Variants in CTNNA2 observed in about 807,000 individuals in gnomAD.
CTNNA2 encodes catenin alpha-2.
A neutral mutation model predicts 101.0 loss-of-function variants in CTNNA2; 42 were observed. The observed-to-expected ratio is 0.42, with a 90% CI of 0.32 to 0.54. The LOEUF is 0.54. Ranked by LOEUF, CTNNA2 falls within the 20% of genes least tolerant of loss-of-function variation. The pLI, the probability that CTNNA2 is intolerant of heterozygous loss-of-function variation, is 0.14. For synonymous variants in CTNNA2, 450 were observed against 456.4 expected, an observed-to-expected ratio of 0.99 and a Z score of 0.18; for missense variants, 871 against 1,223.1, an observed-to-expected ratio of 0.71 and a Z score of 4.29.
chr2:79,520,690 T>A (rs1020257936), intron 1 of CTNNA2, among the ~76,000 whole-genome samples: 4 of 152,118 alleles, frequency 2.6e-5, no homozygotes, highest in Non-Finnish European at 5.9e-5. Flanking sequence ...GCTGAGATAT[T>A]TCACACAAGA....
At chr2:79,598,415 C>T (rs367701507) in intron 1 of CTNNA2, among the ~76,000 whole-genome samples, 2 of 152,208 alleles carry the variant, frequency 1.3e-5, no homozygotes, top group Non-Finnish European at 2.9e-5. Flanking sequence ...TGTATGATTT[C>T]GCATTTCCAC....
At chr2:80,331,444 T>C (rs1249588954) in intron 7 of CTNNA2, among the ~76,000 whole-genome samples, 1 of 152,104 alleles carries the variant, frequency 6.6e-6, no homozygotes, top group Non-Finnish European at 1.5e-5. Context: ...GATTGGGAAA[T>C]AGGGTTGCAC....
chr2:79,986,197 A>G (rs1441145650), intron 7 of CTNNA2, among the ~76,000 whole-genome samples: 4 of 152,316 alleles, frequency 2.6e-5, no homozygotes, highest in African/African-American at 7.2e-5. Flanking sequence ...CAGCTTGGAC[A>G]TGATTGCTGC....
chr2:79,985,591 G>A (rs1233773838), intron 7 of CTNNA2, among the ~76,000 whole-genome samples: 1 of 152,168 alleles, frequency 6.6e-6, no homozygotes, highest in African/African-American at 2.4e-5. Flanking sequence ...AGGACATGAT[G>A]GGGTAAAGCA....
intron 6 of CTNNA2, among the ~76,000 whole-genome samples, chr2:79,901,527 A>G (rs1380703401): frequency 6.6e-6 from 1 of 152,126 alleles, no homozygotes; most frequent in Non-Finnish European, 1.5e-5. Context: ...TAGATTTTGG[A>G]AAAAAAGTTA....
chr2:79,771,870 C>T (rs1214866941), intron 3 of CTNNA2, among the ~76,000 whole-genome samples: 2 of 152,102 alleles, frequency 1.3e-5, no homozygotes, highest in Non-Finnish European at 2.9e-5. Flanking sequence ...CTGTTTTGTA[C>T]ATTTTAAAGC....
At chr2:79,663,512 T>C (rs1051416840) in intron 2 of CTNNA2, among the ~76,000 whole-genome samples, 18 of 152,214 alleles carry the variant, frequency 1.2e-4, no homozygotes, top group African/African-American at 4.3e-4. Context: ...CTCAGGATTT[T>C]TGTGCATGCT....
At chr2:80,147,307 AG>A (rs1458616843) in intron 7 of CTNNA2, among the ~76,000 whole-genome samples, 1 of 152,000 alleles carries the variant, frequency 6.6e-6, no homozygotes, top group African/African-American at 2.4e-5. Flanking sequence ...TCACCATGTT[AG>A]CCAGGCTGGT....
In CTNNA2 at chr2:79,617,000, C is replaced by G. The variant is rs180772161; in HGVS notation, c.-5-34552C>G. The stretch of plus-strand genomic sequence containing the variant: ...CACTGCAACCTCCACCTCCCGGGTT[C>G]AAGCGATTCTCCTGCCTCAGCCACC... On this transcript the variant is annotated intron_variant, in intron 1 of 18. Transcript: ENST00000402739. Among the ~76,000 whole-genome samples the G allele has an allele frequency of 6.8e-3, 1,038 of 152,048 alleles. 10 individuals are homozygous for G. Among genetic ancestry groups the G allele is most frequent in the South Asian group, 0.026 (125 of 4,780 alleles).
At position 79,712,874 on chromosome 2, in the gene CTNNA2, T is replaced by A. The variant is rs1685833354; in HGVS notation, c.103-31513T>A. Among the ~76,000 whole-genome samples the A allele has an allele frequency of 2.0e-5, 3 of 152,142 alleles. No homozygotes were observed. The South Asian group carries it at 6.2e-4, about 32-fold the overall frequency. On this transcript the variant is annotated intron_variant, in intron 2 of 18. Coordinates refer to ENST00000402739, the MANE Select transcript of CTNNA2 (RefSeq NM_001282597.3). ...TAATATTTAAGATCTAATGGATAAA[T>A]TAAGTATAGACCCAAAGCTCTAGAT...
chr2:79,456,402 T>C (rs985293821), intron 4 of CTNNA2, among the ~76,000 whole-genome samples: 1 of 152,140 alleles, frequency 6.6e-6, no homozygotes, highest in African/African-American at 2.4e-5. Flanking sequence ...ATTTAATTTA[T>C]ATTTTTATTT....
chr2:80,542,112 CT>C (rs59668016), intron 9 of CTNNA2, among the ~76,000 whole-genome samples: 64,199 of 149,452 alleles, frequency 0.43, 13,890 homozygotes, highest in South Asian at 0.56. Context: ...GCTATAGATT[CT>C]TTTTAAAAAA....
At chr2:80,232,341 GTTTGTTTTTTTTT>G (rs1709280355) in intron 7 of CTNNA2, among the ~76,000 whole-genome samples, 15 of 82,060 alleles carry the variant, frequency 1.8e-4, no homozygotes, top group African/African-American at 4.6e-4. Flanking sequence ...TTGTTTGTTT[GTTTGTTTTTTTTT>G]TTTTTTTTTT....
At chr2:79,427,754 C>T (rs142410134) in intron 4 of CTNNA2, among the ~76,000 whole-genome samples, 4 of 152,108 alleles carry the variant, frequency 2.6e-5, no homozygotes, top group East Asian at 1.9e-4. Context: ...CTCTGAGGTC[C>T]GGCTTCTAGG....
At chr2:80,624,067 TTTTC>T (rs1168559093) in intron 18 of CTNNA2, among the ~76,000 whole-genome samples, 1 of 151,970 alleles carries the variant, frequency 6.6e-6, no homozygotes, top group Non-Finnish European at 1.5e-5. Flanking sequence ...CATCCTTCAT[TTTTC>T]TTTGTCATGC....
intron 7 of CTNNA2, among the ~76,000 whole-genome samples, chr2:79,954,890 C>T (rs1248288240): frequency 2.0e-5 from 3 of 151,944 alleles, no homozygotes; most frequent in Non-Finnish European, 4.4e-5. Context: ...ATATATTTTA[C>T]CTAAAATCTG....
intron 3 of CTNNA2, among the ~76,000 whole-genome samples, chr2:79,332,687 A>G (rs1273502278): frequency 1.3e-5 from 2 of 152,298 alleles, no homozygotes; most frequent in South Asian, 2.1e-4. Flanking sequence ...TTGTTTTTTA[A>G]TTCATTTGCC....
intron 1 of CTNNA2, among the ~76,000 whole-genome samples, chr2:79,531,980 A>G (rs957266865): frequency 5.3e-5 from 8 of 152,210 alleles, no homozygotes; most frequent in Admixed American, 4.6e-4. Context: ...GTACCCAGAC[A>G]TTAGTAAATA....
intron 7 of CTNNA2, among the ~76,000 whole-genome samples, chr2:80,373,565 T>C (rs1198682239): frequency 6.6e-6 from 1 of 152,206 alleles, no homozygotes; most frequent in Non-Finnish European, 1.5e-5. Context: ...GGATGCTTAC[T>C]GAAATGAGAA....
Sources: allele counts gnomAD v4.1 joint callset (sites outside exome capture counted in the v4.1 genomes callset), GRCh38; gene constraint gnomAD v4.1.1; transcripts MANE v1.5; gene names NCBI Gene and HGNC (gene_info 2026-07-23, HGNC 2026-07-21).